Variants in RP1 observed in about 807,000 individuals in gnomAD.
The protein encoded by RP1 is oxygen-regulated protein 1.
A neutral mutation model predicts 14.8 loss-of-function variants in RP1; 16 were observed. The observed-to-expected ratio is 1.08, with a 90% CI of 0.73 to 1.65. The LOEUF is 1.65. RP1 is among the 40% of genes most tolerant of loss of function. RP1 has a pLI of 0.00. For synonymous variants in RP1, 876 were observed against 883.6 expected (o/e 0.99, Z 0.15); for missense variants, 2,631 against 2,535.0 (o/e 1.04, Z -0.81).
At position 54,720,075 on chromosome 8, in the gene RP1, T is replaced by C. The variant is rs573776092; in HGVS notation, c.2212-54T>C. The C allele has an allele frequency of 7.5e-6, 10 of 1,325,438 alleles. No individual in the cohort carries two copies. The African/African-American group carries it at 1.5e-4, about 20-fold the overall frequency. The allele number at this position is 1,325,438 out of a possible 1,614,324, so 82.1% of individuals were successfully genotyped here. ...TTCTTTTAAAACGACTGGTTTTAAA[T>C]TCTGTCTTTTAGGACTTGCTCACAT... On this transcript the variant is annotated intron_variant, in intron 15 of 22. Coordinates refer to the RP1 transcript ENST00000636932.
chr8:54,770,624 T>C (rs1414141474), downstream of RP1, among the ~76,000 whole-genome samples: 2 of 147,746 alleles, frequency 1.4e-5, no homozygotes, highest in African/African-American at 4.9e-5. Context: ...TCAAATTGCC[T>C]AAAACCATGA....
intron 17 of RP1, among the ~76,000 whole-genome samples, chr8:54,729,859 A>T (rs534536043): frequency 6.6e-6 from 1 of 152,250 alleles, no homozygotes; most frequent in Non-Finnish European, 1.5e-5. Flanking sequence ...CATTAGAATA[A>T]TTCCCATAAA....
At chr8:54,560,228 G>A (rs1229398279) in intron 1 of RP1, 2 of 152,092 alleles carry the variant, frequency 1.3e-5, no homozygotes, top group Non-Finnish European at 2.9e-5. Context: ...TTTTGGGGAT[G>A]GGGAAGTTGG....
intron 24 of RP1, among the ~76,000 whole-genome samples, chr8:54,803,004 G>A (rs1810750556): frequency 1.3e-5 from 2 of 151,960 alleles, no homozygotes; most frequent in South Asian, 4.1e-4. Context: ...GGGATTCATA[G>A]CTTTTTTTTT....
intron 15 of RP1, among the ~76,000 whole-genome samples, chr8:54,714,053 G>A (rs1808347812): frequency 6.6e-6 from 1 of 152,108 alleles, no homozygotes; most frequent in African/African-American, 2.4e-5. Context: ...AGCTTCCCGA[G>A]TAGCTGGGGT....
At chr8:54,715,090 G>T (rs1393715903) in intron 15 of RP1, among the ~76,000 whole-genome samples, 1 of 152,346 alleles carries the variant, frequency 6.6e-6, no homozygotes, top group East Asian at 1.9e-4. Flanking sequence ...TGACGTTTTG[G>T]TAAGTGCTTG....
chr8:54,777,022 C>T (rs1168057721), intron 23 of RP1, among the ~76,000 whole-genome samples: 3 of 152,238 alleles, frequency 2.0e-5, no homozygotes, highest in African/African-American at 7.2e-5. Context: ...TGAATCTTGA[C>T]TGCACCACTT....
chr8:54,637,402 G>A (rs529286045), intron 3 of RP1, among the ~76,000 whole-genome samples: 2 of 152,206 alleles, frequency 1.3e-5, no homozygotes, highest in South Asian at 4.1e-4. Flanking sequence ...CAGCATAGAA[G>A]TTTTACTTTT....
At chr8:54,717,208 A>G (rs995551404) in intron 15 of RP1, among the ~76,000 whole-genome samples, 9 of 152,198 alleles carry the variant, frequency 5.9e-5, no homozygotes, top group Non-Finnish European at 1.2e-4. Context: ...GCTTTTACAA[A>G]TAAAAAGCAC....
chr8:54,843,329 G>A (rs186353895), intron 25 of RP1, among the ~76,000 whole-genome samples: 3 of 152,140 alleles, frequency 2.0e-5, no homozygotes, highest in Non-Finnish European at 4.4e-5. Flanking sequence ...TGATCCACCC[G>A]CTTCGGCCTC....
At chr8:54,590,031 T>A (rs973760581) in intron 1 of RP1, among the ~76,000 whole-genome samples, 3 of 152,198 alleles carry the variant, frequency 2.0e-5, no homozygotes, top group Admixed American at 2.0e-4. Context: ...TACCACATCA[T>A]CTGCCTTCCT....
chr8:54,756,199 G>C (rs1021101655), intron 21 of RP1, among the ~76,000 whole-genome samples: 1 of 152,144 alleles, frequency 6.6e-6, no homozygotes, highest in Admixed American at 6.5e-5. Context: ...GGCCAACTGT[G>C]TTATTTTCAC....
At chr8:54,566,729 A>G in intron 1 of RP1, among the ~76,000 whole-genome samples, 1 of 152,178 alleles carries the variant, frequency 6.6e-6, no homozygotes, top group East Asian at 1.9e-4. Flanking sequence ...GCTCAGCGCC[A>G]CTGCTACCAC....
At chr8:54,666,869 T>G (rs1002598099) in intron 7 of RP1, among the ~76,000 whole-genome samples, 1 of 152,060 alleles carries the variant, frequency 6.6e-6, no homozygotes, top group African/African-American at 2.4e-5. Context: ...AGGCAGTTGA[T>G]GTAGGAGCCA....
At chr8:54,758,991 A>G in exon 22 of RP1, 2 of 1,535,988 alleles carry the variant, frequency 1.3e-6, no homozygotes, top group East Asian at 2.4e-5. Flanking sequence ...CTGTGAGGCC[A>G]GTGACAAATC....
Position 54,625,694 on chromosome 8 carries a change from G to C in RP1, c.1812G>C (p.Arg604Ser), listed in dbSNP as rs768611713. 6.2e-7 allele frequency: 1 copy of C among 1,614,062 alleles called. No individual in the cohort carries two copies. The highest frequency in any genetic ancestry group is 8.5e-7 in the Non-Finnish European group (1 of 1,180,006). Residue 604 changes from arginine to serine, a missense_variant, in exon 4 of 4, where the codon AGG becomes AGC. Physicochemically the swap from Arg to Ser is moderately radical, Grantham distance 110. Transcript: ENST00000220676. ...NFKTYGNTND[R>S]FSPISADATH... The stretch of plus-strand genomic sequence containing the variant: ...AAACTTATGGTAACACCAATGATAG[G>C]TTCAGTCCTATTTCAGCAGATGCAA...
chr8:54,642,209 AT>A (rs201764208), intron 3 of RP1, among the ~76,000 whole-genome samples: 5 of 151,418 alleles, frequency 3.3e-5, no homozygotes, highest in Admixed American at 3.3e-4. Context: ...AGGTGAAAAC[AT>A]TTTTTTTTGT....
intron 24 of RP1, among the ~76,000 whole-genome samples, chr8:54,821,554 G>C (rs1287905506): frequency 6.6e-6 from 1 of 152,178 alleles, no homozygotes; most frequent in Non-Finnish European, 1.5e-5. Context: ...CTGATATGTA[G>C]AAAGCAGGTA....
chr8:54,621,607 C>G, intron 2 of RP1, 26 bp downstream of exon 2: 2 of 1,613,780 alleles, frequency 1.2e-6, no homozygotes, highest in Non-Finnish European at 1.7e-6. Flanking sequence ...GCTCCTCGAG[C>G]CTGAGCTCAT....
Sources: gnomAD v4.1 joint callset for allele counts (sites outside exome capture counted in the v4.1 genomes callset) on GRCh38, gnomAD v4.1.1 for gene constraint, MANE v1.5 for transcripts, NCBI Gene and HGNC (gene_info 2026-07-23, HGNC 2026-07-21) for gene names.